The following ABLIM1 variants were observed in gnomAD, a reference collection of about 807,000 sequenced individuals.
ABLIM1 encodes actin-binding LIM protein 1.
In ABLIM1, 40 loss-of-function variants were observed where a neutral mutation model predicts 107.0. The ratio of observed to expected loss-of-function variants is 0.37; its 90% CI spans 0.29 to 0.49. The LOEUF (loss-of-function observed/expected upper bound fraction) is 0.49. Ranked by LOEUF, ABLIM1 falls within the 20% of genes least tolerant of loss-of-function variation. The pLI is 0.97. For missense variants in ABLIM1, 857 were observed against 1,008.5 expected, an observed-to-expected ratio of 0.85 and a Z score of 2.04; for synonymous variants, 357 against 357.3, an observed-to-expected ratio of 1.00 and a Z score of 0.01.
chr10:114,784,539 C>T, the ABLIM1 span, among the ~76,000 whole-genome samples: 3 of 149,816 alleles, frequency 2.0e-5, no homozygotes, highest in African/African-American at 4.9e-5. Context: ...TGGTGGCGGG[C>T]GCCTGTAATC....
At chr10:114,484,587 T>C (rs1161862065) in intron 8 of ABLIM1, among the ~76,000 whole-genome samples, 1 of 152,112 alleles carries the variant, frequency 6.6e-6, no homozygotes, top group African/African-American at 2.4e-5. Context: ...TTCACCATGT[T>C]GGCCAGGGTG....
intron 21 of ABLIM1, among the ~76,000 whole-genome samples, chr10:114,438,480 T>TA (rs2059740579): frequency 6.6e-6 from 1 of 152,162 alleles, no homozygotes; most frequent in African/African-American, 2.4e-5. Flanking sequence ...AGGCTGGTCT[T>TA]AAATTCCTGA....
intron 1 of ABLIM1, among the ~76,000 whole-genome samples, chr10:114,602,538 C>T (rs578026542): frequency 5.9e-5 from 9 of 152,300 alleles, no homozygotes; most frequent in African/African-American, 1.4e-4. Flanking sequence ...GGGTCATTCC[C>T]GATCATAAAT....
chr10:114,788,561 C>T, the ABLIM1 span, among the ~76,000 whole-genome samples: 12 of 151,872 alleles, frequency 7.9e-5, no homozygotes, highest in Non-Finnish European at 1.6e-4. Context: ...AACCCCGTCT[C>T]TACTAAAAAT....
intron 21 of ABLIM1, 61 bp from the exon 22 acceptor site, chr10:114,437,985 T>A: frequency 6.7e-7 from 1 of 1,500,886 alleles, no homozygotes; most frequent in Non-Finnish European, 9.3e-7. Context: ...ACAAGCAGAA[T>A]CCACCTAAAC....
intron 21 of ABLIM1, 118 bp downstream of exon 21, chr10:114,439,058 A>G: frequency 8.2e-7 from 1 of 1,226,770 alleles, no homozygotes; most frequent in Non-Finnish European, 1.2e-6. Flanking sequence ...TATTCATGAC[A>G]TGGCTCACCT....
intron 1 of ABLIM1, among the ~76,000 whole-genome samples, chr10:114,760,047 G>A (rs1404816377): frequency 2.0e-5 from 3 of 152,044 alleles, no homozygotes; most frequent in African/African-American, 4.8e-5. Context: ...AATCTTTACT[G>A]CAGAGGGCTC....
At position 114,444,142 on chromosome 10, in the gene ABLIM1, C is replaced by CA; in HGVS notation, c.1828-9dup. On this transcript the variant is annotated splice_polypyrimidine_tract_variant and intron_variant, in intron 16 of 22. Coordinates refer to ENST00000533213, the MANE Select transcript of ABLIM1 (RefSeq NM_002313.7). ...TCCCAGGCCTGAGTTAAGCTATTCACAGAAAAAAGGAAAAAAAAAAAAAAA... is the reference window on the plus strand; with the variant it reads ...TCCCAGGCCTGAGTTAAGCTATTCACAAGAAAAAAGGAAAAAAAAAAAAAAA... 1 of 1,331,314 alleles carries CA rather than the reference C, an allele frequency of 7.5e-7. No homozygotes were observed. Among genetic ancestry groups the CA allele is most frequent in the South Asian group, 1.5e-5 (1 of 67,530 alleles). The allele number at this position is 1,331,314 out of a possible 1,614,324, so 82.5% of individuals were successfully genotyped here. A position where few individuals can be genotyped will look rare whatever the true frequency, so the allele number is the denominator to read the frequency against.
intron 6 of ABLIM1, among the ~76,000 whole-genome samples, chr10:114,512,130 G>T (rs1233979067): frequency 6.6e-6 from 1 of 152,178 alleles, no homozygotes; most frequent in Admixed American, 6.5e-5. Flanking sequence ...GAACTTTCCT[G>T]GGGGGAAGCT....
Position 114,436,323 on chromosome 10 carries a change from C to T in ABLIM1, c.2274G>A (p.Gln758=), listed in dbSNP as rs1317464891. The change falls in exon 23 of 23, where the codon CAG becomes CAA. Residue 758 remains glutamine, a synonymous_variant. Transcript: ENST00000533213. ...TCCAAAGAGGTAACCTGTCAAACTCCTGTATGGACATTCCAAAGATTTCCC... is the reference window on the plus strand; with the variant it reads ...TCCAAAGAGGTAACCTGTCAAACTCTTGTATGGACATTCCAAAGATTTCCC... ...VFREIFGMSI[Q]EFDRLPLWRR... is the part of the protein sequence containing the mutation. 4.3e-6 allele frequency: 7 copies of T among 1,613,926 alleles called. No homozygotes were observed. Among genetic ancestry groups the T allele is most frequent in the Middle Eastern group, 1.6e-4 (1 of 6,084 alleles).
In ABLIM1 at chr10:114,630,021, C is replaced by T. The variant is rs143991939; in HGVS notation, c.244+27936G>A. ...ATACTAGTATGTGACCTCTTGGTGG[C>T]CTGTCCAAAGTGTTCCAGTTAGAAG... On this transcript the variant is annotated intron_variant, in intron 1 of 22. Coordinates refer to ENST00000533213, the MANE Select transcript of ABLIM1 (RefSeq NM_002313.7). Among the ~76,000 whole-genome samples, 250 of 152,144 alleles carry T rather than the reference C, an allele frequency of 1.6e-3. 1 individual carries two copies. Among genetic ancestry groups the T allele is most frequent in the African/African-American group, 5.8e-3 (240 of 41,492 alleles).
intron 1 of ABLIM1, among the ~76,000 whole-genome samples, chr10:114,727,388 A>G (rs976391590): frequency 4.6e-5 from 7 of 152,240 alleles, no homozygotes; most frequent in Non-Finnish European, 1.0e-4. Flanking sequence ...AGTATTTCTC[A>G]GTCATCCAAG....
chr10:114,639,492 T>G (rs2078638692), intron 1 of ABLIM1, among the ~76,000 whole-genome samples: 1 of 152,204 alleles, frequency 6.6e-6, no homozygotes, highest in African/African-American at 2.4e-5. Context: ...AAACACAGGC[T>G]GGGTTTGAAT....
the ABLIM1 span, among the ~76,000 whole-genome samples, chr10:114,783,571 A>G: frequency 6.6e-6 from 1 of 152,110 alleles, no homozygotes; most frequent in East Asian, 1.9e-4. Context: ...GAAGAATGCT[A>G]ACATGTAACG....
At chr10:114,640,435 G>A (rs1321673060) in intron 1 of ABLIM1, among the ~76,000 whole-genome samples, 1 of 152,178 alleles carries the variant, frequency 6.6e-6, no homozygotes, top group Non-Finnish European at 1.5e-5. Flanking sequence ...GCTGGGGCAG[G>A]AGAATCGCTT....
At chr10:114,638,366 A>G (rs562131344) in intron 1 of ABLIM1, among the ~76,000 whole-genome samples, 2 of 152,344 alleles carry the variant, frequency 1.3e-5, no homozygotes, top group South Asian at 2.1e-4. Flanking sequence ...CAGTCATTTT[A>G]CAAAGTCCCC....
chr10:114,546,918 C>T (rs2067421300), intron 5 of ABLIM1, among the ~76,000 whole-genome samples: 1 of 151,416 alleles, frequency 6.6e-6, no homozygotes, highest in African/African-American at 2.4e-5. Context: ...GTAGCTGGGA[C>T]TACAGGCATG....
At chr10:114,583,489 A>ACTGT in intron 2 of ABLIM1, among the ~76,000 whole-genome samples, 1 of 29,994 alleles carries the variant, frequency 3.3e-5, no homozygotes, top group African/African-American at 6.7e-5. Flanking sequence ...ATATATATAT[A>ACTGT]TATATATATA....
chr10:114,439,940 C>T (rs528634899), intron 20 of ABLIM1, 142 bp downstream of exon 20: 372 of 1,422,162 alleles, frequency 2.6e-4, no homozygotes, highest in Non-Finnish European at 3.4e-4. Flanking sequence ...CTGCTCTTCA[C>T]GGCTATAGAG....
Sources: gnomAD v4.1 joint callset for allele counts (sites outside exome capture counted in the v4.1 genomes callset) on GRCh38, gnomAD v4.1.1 for gene constraint, MANE v1.5 for transcripts, NCBI Gene and HGNC (gene_info 2026-07-23, HGNC 2026-07-21) for gene names.